ADAMTS2: variants seen among roughly 807,000 people sequenced by gnomAD.
ADAMTS2 encodes the protein A disintegrin and metalloproteinase with thrombospondin motifs 2.
In ADAMTS2, 50 loss-of-function variants were observed where a neutral mutation model predicts 123.0. The ratio of observed to expected loss-of-function variants is 0.41; its 90% CI spans 0.32 to 0.51. ADAMTS2 has a LOEUF of 0.51. Among genes scored for constraint, ADAMTS2 ranks in the 20% least tolerant of loss-of-function variants. The probability of loss-of-function intolerance (pLI) is 0.35; values close to 1 mark genes in which losing one functional copy is unlikely to be tolerated. For missense variants in ADAMTS2, 1,494 were observed against 1,705.2 expected (o/e 0.88, Z 2.18); for synonymous variants, 678 against 695.4 (o/e 0.98, Z 0.39).
chr5:179,193,942 G>A (rs976463376), intron 4 of ADAMTS2, among the ~76,000 whole-genome samples: 8 of 152,316 alleles, frequency 5.3e-5, no homozygotes, highest in African/African-American at 1.4e-4. Context: ...ACAGCCCGGC[G>A]TGGCACATCA....
Position 179,153,957 on chromosome 5 carries a change from G to A in ADAMTS2, c.1382+92C>T, listed in dbSNP as rs1581156464. 2.7e-6 allele frequency: 4 copies of A among 1,499,808 alleles called. No individual in the cohort carries two copies. The East Asian group carries it at 7.3e-5, about 27-fold the overall frequency. The allele number at this position is 1,499,808 out of a possible 1,614,324, so 92.9% of individuals were successfully genotyped here. ...AAGCTTAGAGGACCTGAGGTCGGAG[G>A]GCTCTGGCTCTGGTGCATGGGGACT... On this transcript the variant is annotated intron_variant, in intron 8 of 21. Coordinates refer to ENST00000251582, the MANE Select transcript of ADAMTS2 (RefSeq NM_014244.5).
intron 2 of ADAMTS2, among the ~76,000 whole-genome samples, chr5:179,320,453 G>A (rs1757134388): frequency 6.6e-6 from 1 of 151,260 alleles, no homozygotes; most frequent in African/African-American, 2.4e-5. Context: ...GACTACAGGT[G>A]TCCACCACTA....
intron 4 of ADAMTS2, among the ~76,000 whole-genome samples, chr5:179,199,618 C>T (rs907427919): frequency 6.6e-6 from 1 of 152,138 alleles, no homozygotes; most frequent in East Asian, 1.9e-4. Context: ...GTGGGTGTGC[C>T]CTTCCTGCTG....
In ADAMTS2 at chr5:179,180,741, A is replaced by G. The variant is rs140527064; in HGVS notation, c.975+331T>C. ...CCCATCGGTCCTTCCTGCAGAAACA[A>G]CATGGACTCAGGCTGCTGTTTACCC... On this transcript the variant is annotated intron_variant, in intron 5 of 21. Transcript: ENST00000251582. This position sits in a 1 kb window ranked among gnomAD's most constrained non-coding sequence, Gnocchi z 4.6. Among the ~76,000 whole-genome samples the G allele has an allele frequency of 1.8e-4, 28 of 152,266 alleles. No homozygotes were observed. The East Asian group carries it at 4.1e-3, about 22-fold the overall frequency.
In ADAMTS2 at chr5:179,262,331, T is replaced by C. The variant is rs1195646171; in HGVS notation, c.688+10580A>G. ...TTCCTTCACACCACGTCCCGGAAGC[T>C]CCACCTCAAACTCATCCTGAACCCA... is the stretch of plus-strand genomic sequence containing the variant. On this transcript the variant is annotated intron_variant, in intron 3 of 21. Transcript: ENST00000251582. This position sits in a 1 kb window ranked among gnomAD's most constrained non-coding sequence, Gnocchi z 5.9. 6.6e-6 allele frequency among the ~76,000 whole-genome samples: 1 copy of C among 151,536 alleles called. No homozygotes were observed. The highest frequency in any genetic ancestry group is 1.5e-5 in the Non-Finnish European group (1 of 67,910).
At chr5:179,283,711 G>A (rs556219059) in intron 2 of ADAMTS2, among the ~76,000 whole-genome samples, 8 of 151,734 alleles carry the variant, frequency 5.3e-5, no homozygotes, top group Non-Finnish European at 1.2e-4. Context: ...GGCCAACATG[G>A]TGAAACCCCA....
chr5:179,257,184 T>C (rs1561643523), intron 3 of ADAMTS2, among the ~76,000 whole-genome samples: 1 of 152,200 alleles, frequency 6.6e-6, no homozygotes, highest in Non-Finnish European at 1.5e-5. Flanking sequence ...GTTCAAGGCC[T>C]CGGGACAAAT....
chr5:179,176,898 C>A (rs945191610), intron 5 of ADAMTS2, among the ~76,000 whole-genome samples: 1 of 152,324 alleles, frequency 6.6e-6, no homozygotes, highest in Admixed American at 6.5e-5. Context: ...CCTCCCCTCC[C>A]AGCCTATGAA....
intron 3 of ADAMTS2, among the ~76,000 whole-genome samples, chr5:179,222,242 C>T (rs1002633265): frequency 6.6e-6 from 1 of 152,176 alleles, no homozygotes; most frequent in African/African-American, 2.4e-5. Flanking sequence ...GGAAGGGGCT[C>T]CTCATACTCC....
chr5:179,285,201 T>A lies in ADAMTS2; in HGVS notation c.535-12137A>T, dbSNP rs1009759585. 6.6e-6 allele frequency among the ~76,000 whole-genome samples: 1 copy of A among 152,208 alleles called. No homozygotes were observed. Among genetic ancestry groups the A allele is most frequent in the Admixed American group, 6.5e-5 (1 of 15,278 alleles). On this transcript the variant is annotated intron_variant, in intron 2 of 21. Coordinates refer to ENST00000251582, the MANE Select transcript of ADAMTS2 (RefSeq NM_014244.5). The surrounding 1 kb of genome is among the most constrained non-coding windows in gnomAD (Gnocchi z 4.9). Reference sequence around the variant, plus strand: ...TACGATCGGGGGTGAGTTTCACTTTTTATTAATATTTTCTGTATTTTTTTT... The same window carrying A: ...TACGATCGGGGGTGAGTTTCACTTTATATTAATATTTTCTGTATTTTTTTT...
At chr5:179,183,239 A>T (rs1466998316) in intron 4 of ADAMTS2, among the ~76,000 whole-genome samples, 1 of 152,168 alleles carries the variant, frequency 6.6e-6, no homozygotes, top group Non-Finnish European at 1.5e-5. Context: ...CTTAAGAGAG[A>T]AGGGGTTTCT....
Position 179,158,110 on chromosome 5 carries a change from G to A in ADAMTS2, c.1132+613C>T, listed in dbSNP as rs535767676. On this transcript the variant is annotated intron_variant, in intron 6 of 21. Transcript: ENST00000251582. The surrounding 1 kb of genome is among the most constrained non-coding windows in gnomAD (Gnocchi z 5.0). ...CTCCCGGGTAGCTGGGACTACAGGC[G>A]CCCGCCACCATGCCCTGCTAATTTT... 5.3e-5 allele frequency among the ~76,000 whole-genome samples: 8 copies of A among 151,926 alleles called. No individual in the cohort carries two copies. The highest frequency in any genetic ancestry group is 4.2e-4 in the South Asian group (2 of 4,802).
At position 179,129,182 on chromosome 5, in the gene ADAMTS2, C is replaced by T. The variant is rs560989083; in HGVS notation, c.2457+750G>A. Among the ~76,000 whole-genome samples the T allele has an allele frequency of 4.9e-4, 75 of 152,268 alleles. No individual in the cohort carries two copies. The highest frequency in any genetic ancestry group is 1.0e-3 in the Non-Finnish European group (70 of 68,032). ...TGATGCAGGCAGGTCACCAAAGGCA[C>T]GTCCAGGGGGCCAGAAGTCACTGCA... On this transcript the variant is annotated intron_variant, in intron 16 of 21. Transcript: ENST00000251582. This position sits in a 1 kb window ranked among gnomAD's most constrained non-coding sequence, Gnocchi z 4.1.
intron 4 of ADAMTS2, among the ~76,000 whole-genome samples, chr5:179,201,566 C>T (rs1233200607): frequency 6.8e-6 from 1 of 146,362 alleles, no homozygotes; most frequent in Non-Finnish European, 1.5e-5. Flanking sequence ...TGGGTGGTCA[C>T]CTGAGGTCAG....
At position 179,212,155 on chromosome 5, in the gene ADAMTS2, C is replaced by T. The variant is rs564478989; in HGVS notation, c.689-4440G>A. 6.3e-4 allele frequency among the ~76,000 whole-genome samples: 96 copies of T among 152,246 alleles called. 1 individual carries two copies. Among genetic ancestry groups the T allele is most frequent in the Non-Finnish European group, 1.2e-3 (83 of 68,042 alleles). ...AAACCTGGGACTGAGTCTGCAACCT[C>T]GGGAGCATCGTGGGATGGTGCGGGC... On this transcript the variant is annotated intron_variant, in intron 3 of 21. Transcript: ENST00000251582.
Position 179,159,954 on chromosome 5 carries a change from T to C in ADAMTS2, c.976-1075A>G, listed in dbSNP as rs150208085. Reference sequence around the variant, plus strand: ...CTCACAGCAGGCATTTTGGTTTCTGTTCTCACCATAGACTCCAAACACCGA... The same window carrying C: ...CTCACAGCAGGCATTTTGGTTTCTGCTCTCACCATAGACTCCAAACACCGA... On this transcript the variant is annotated intron_variant, in intron 5 of 21. Coordinates refer to ENST00000251582, the MANE Select transcript of ADAMTS2 (RefSeq NM_014244.5). Among the ~76,000 whole-genome samples, 7 of 152,314 alleles carry C rather than the reference T, an allele frequency of 4.6e-5. No homozygotes were observed. The East Asian group carries it at 1.3e-3, about 29-fold the overall frequency.
Position 179,139,976 on chromosome 5 carries a change from G to A in ADAMTS2, c.1689C>T (p.Ser563=), listed in dbSNP as rs376357664. ...AGCCAAACGGACTCCAAGCGCCCCA[G>A]CTGCCGTCCCGTTTGAGGATGTCAG... ...LTPDILKRDG[S]WGAWSPFGSC... is the part of the protein sequence containing the mutation. The change falls in exon 11 of 22, where the codon AGC becomes AGT. Residue 563 remains serine, a synonymous_variant. Transcript: ENST00000251582. 3.1e-6 allele frequency: 5 copies of A among 1,614,054 alleles called. No homozygotes were observed. Among genetic ancestry groups the A allele is most frequent in the East Asian group, 2.2e-5 (1 of 44,876 alleles).
At chr5:179,147,912 G>A (rs1763282008) in intron 10 of ADAMTS2, among the ~76,000 whole-genome samples, 1 of 152,118 alleles carries the variant, frequency 6.6e-6, no homozygotes, top group South Asian at 2.1e-4. Flanking sequence ...TCTTATTTTT[G>A]CAAAATTTAC....
chr5:179,304,731 A>G (rs675904), intron 2 of ADAMTS2, among the ~76,000 whole-genome samples: 2 of 152,218 alleles, frequency 1.3e-5, no homozygotes, highest in African/African-American at 2.4e-5. Context: ...AGATCTAACT[A>G]ACAGTCATGT....
Sources: allele counts gnomAD v4.1 joint callset (sites outside exome capture counted in the v4.1 genomes callset), GRCh38; gene constraint gnomAD v4.1.1; non-coding constraint Gnocchi (gnomAD v3.1); transcripts MANE v1.5; gene names NCBI Gene and HGNC (gene_info 2026-07-23, HGNC 2026-07-21).